BCO1: variants seen among roughly 807,000 people sequenced by gnomAD.
BCO1 encodes beta,beta-carotene 15,15'-dioxygenase.
BCO1 carries 54 observed loss-of-function variants against 56.3 expected under a neutral mutation model. The observed-to-expected ratio is 0.96, with a 90% CI of 0.77 to 1.20. BCO1 has a LOEUF of 1.20. Among genes scored for constraint, BCO1 ranks in the 50% most tolerant of loss-of-function variants. The probability of loss-of-function intolerance (pLI) is 0.00; values close to 1 mark genes in which losing one functional copy is unlikely to be tolerated. For missense variants in BCO1, 801 were observed against 690.9 expected (o/e 1.16, Z -1.79); for synonymous variants, 318 against 266.1 (o/e 1.20, Z -1.90).
intron 2 of BCO1, among the ~76,000 whole-genome samples, chr16:81,253,692 C>T (rs1026868797): frequency 6.6e-6 from 1 of 152,148 alleles, no homozygotes; most frequent in African/African-American, 2.4e-5. Flanking sequence ...GGCTGGGCAC[C>T]GTGCCTCACA....
At chr16:81,274,294 C>G (rs1341574397) in intron 7 of BCO1, among the ~76,000 whole-genome samples, 2 of 133,918 alleles carry the variant, frequency 1.5e-5, no homozygotes, top group African/African-American at 2.9e-5. Flanking sequence ...GACAGAGTCT[C>G]GCTCTGTCGC....
rs8048342 is a variant in BCO1 at position 81,287,225 on chromosome 16, A to G, written c.1303-70A>G. ...ATCTCCTCTGTGTGGATCTTCATGC[A>G]CTCCTATTTGCAGAGAATAGTATTC... On this transcript the variant is annotated intron_variant, in intron 9 of 10. Transcript: ENST00000258168. 1 allele frequency: 1,145,149 copies of G among 1,148,844 alleles called. 570,784 individuals carry two copies. Among genetic ancestry groups the G allele is most frequent in the East Asian group, 1 (42,672 of 42,676 alleles). 71.2% of individuals were successfully genotyped at this position (1,148,844 alleles called of 1,614,324 possible).
At chr16:81,269,634 A>AT (rs1567457043) in intron 6 of BCO1, among the ~76,000 whole-genome samples, 3 of 152,128 alleles carry the variant, frequency 2.0e-5, no homozygotes, top group Admixed American at 1.3e-4. Flanking sequence ...TGCCTGGCTA[A>AT]TTTTTTGTAT....
At chr16:81,248,709 G>T (rs926826630) in intron 2 of BCO1, among the ~76,000 whole-genome samples, 2 of 152,054 alleles carry the variant, frequency 1.3e-5, no homozygotes, top group Admixed American at 1.3e-4. Context: ...GAGGAACATA[G>T]AAGGTAAATG....
In BCO1 at chr16:81,285,618, G is replaced by A. The variant is rs564100060; in HGVS notation, c.1286G>A (p.Ser429Asn). 1 of 1,608,582 alleles carries A rather than the reference G, an allele frequency of 6.2e-7. No individual in the cohort carries two copies. Among genetic ancestry groups the A allele is most frequent in the South Asian group, 1.1e-5 (1 of 90,994 alleles). Residue 429 changes from serine (S) to asparagine (N), a missense_variant, in exon 9 of 11, where the codon AGT becomes AAT. Physicochemically the swap from Ser to Asn is conservative, Grantham distance 46. Transcript: ENST00000258168. ...GTCTTTGCTACAGGAGTTCAGTGGA[G>A]TCCAATCCCAACCAAGGTACTGGTC... The part of the protein sequence containing the change: ...RYVFATGVQW[S>N]PIPTKIIKYD...
At chr16:81,261,502 A>C (rs1906478959) in intron 3 of BCO1, among the ~76,000 whole-genome samples, 1 of 152,174 alleles carries the variant, frequency 6.6e-6, no homozygotes, top group Non-Finnish European at 1.5e-5. Context: ...TTACGGGTTC[A>C]TATACGATTT....
chr16:81,270,692 C>CTCTG (rs146010684), intron 7 of BCO1, among the ~76,000 whole-genome samples: 16 of 143,786 alleles, frequency 1.1e-4, no homozygotes, highest in East Asian at 6.0e-4. Context: ...CTCTCTGTGT[C>CTCTG]TGTGTGTGTG....
intron 7 of BCO1, among the ~76,000 whole-genome samples, chr16:81,277,141 G>C (rs1907607701): frequency 6.6e-6 from 1 of 151,874 alleles, no homozygotes; most frequent in Non-Finnish European, 1.5e-5. Context: ...ATTGCCGTTT[G>C]GGACAGCCTG....
intron 9 of BCO1, among the ~76,000 whole-genome samples, chr16:81,286,795 G>A (rs1252619928): frequency 6.6e-6 from 1 of 152,188 alleles, no homozygotes; most frequent in East Asian, 1.9e-4. Context: ...TGGGGGAGGA[G>A]GCCGGGCGCG....
At position 81,271,044 on chromosome 16, in the gene BCO1, G is replaced by C. The variant is rs141120880; in HGVS notation, c.1101+628G>C. The stretch of plus-strand genomic sequence containing the variant: ...CAGGCGTGAGCCACTGCACCTGGCT[G>C]TCTTACATAATTTTTAACAGCTTTA... On this transcript the variant is annotated intron_variant, in intron 7 of 10. Transcript: ENST00000258168. Among the ~76,000 whole-genome samples the C allele has an allele frequency of 2.4e-4, 37 of 151,188 alleles. No homozygotes were observed. In the East Asian group the frequency reaches 7.4e-3, roughly 30 times the overall value.
chr16:81,247,132 C>A (rs563284563), intron 2 of BCO1, among the ~76,000 whole-genome samples: 20 of 152,242 alleles, frequency 1.3e-4, no homozygotes, highest in African/African-American at 4.6e-4. Context: ...ATGGATTTAG[C>A]GGGCTTCGGG....
chr16:81,288,226 G>A (rs1908292249), intron 10 of BCO1, among the ~76,000 whole-genome samples: 1 of 152,162 alleles, frequency 6.6e-6, no homozygotes, highest in Non-Finnish European at 1.5e-5. Flanking sequence ...TCAGAATGCA[G>A]AATCTTGGTT....
At chr16:81,289,574 G>A (rs1018994193) in intron 10 of BCO1, among the ~76,000 whole-genome samples, 6 of 152,156 alleles carry the variant, frequency 3.9e-5, no homozygotes, top group African/African-American at 1.2e-4. Flanking sequence ...CCAAGAGATC[G>A]AGATTGCAGT....
chr16:81,284,227 TA>T (rs1313635784), intron 8 of BCO1, among the ~76,000 whole-genome samples: 1 of 130,812 alleles, frequency 7.6e-6, no homozygotes, highest in African/African-American at 2.9e-5. Context: ...TATATATATA[TA>T]TTTTTATATA....
chr16:81,266,276 G>T (rs1906823432), intron 5 of BCO1, among the ~76,000 whole-genome samples: 1 of 152,212 alleles, frequency 6.6e-6, no homozygotes, highest in South Asian at 2.1e-4. Context: ...GCATGATCCT[G>T]AGGGGGAGGA....
At chr16:81,244,575 TGAGGC>T (rs2151925539) in intron 1 of BCO1, among the ~76,000 whole-genome samples, 1 of 152,214 alleles carries the variant, frequency 6.6e-6, no homozygotes, top group Non-Finnish European at 1.5e-5. Flanking sequence ...TTTGCCTTTG[TGAGGC>T]GAATACCTAC....
At chr16:81,279,477 T>A (rs1907742993) in intron 7 of BCO1, among the ~76,000 whole-genome samples, 1 of 152,178 alleles carries the variant, frequency 6.6e-6, no homozygotes, top group Admixed American at 6.5e-5. Context: ...ATAGTAATAA[T>A]AATATAACAA....
chr16:81,280,723 G>A, intron 7 of BCO1, 134 bp from the exon 8 acceptor site: 2 of 711,224 alleles, frequency 2.8e-6, no homozygotes, highest in Non-Finnish European at 4.9e-6. Context: ...GAAACGAGCT[G>A]CTTCCTATGA....
At chr16:81,283,029 A>G (rs1392535685) in intron 8 of BCO1, among the ~76,000 whole-genome samples, 1 of 152,238 alleles carries the variant, frequency 6.6e-6, no homozygotes, top group Non-Finnish European at 1.5e-5. Flanking sequence ...AAACTTGCCA[A>G]AAGGCAGGCA....
Sources: gnomAD v4.1 joint callset for allele counts (sites outside exome capture counted in the v4.1 genomes callset) on GRCh38, gnomAD v4.1.1 for gene constraint, MANE v1.5 for transcripts, NCBI Gene and HGNC (gene_info 2026-07-23, HGNC 2026-07-21) for gene names.